ABHD2: variants seen among roughly 807,000 people sequenced by gnomAD.
ABHD2 encodes the protein abhydrolase domain containing 2, acylglycerol lipase, also known as monoacylglycerol lipase ABHD2.
In ABHD2, 20 loss-of-function variants were observed where a neutral mutation model predicts 48.1. The observed-to-expected ratio is 0.42, with a 90% confidence interval of 0.29 to 0.60. The LOEUF (loss-of-function observed/expected upper bound fraction) is 0.60, where lower values mean the gene tolerates loss of function less well. Among genes scored for constraint, ABHD2 ranks in the 20% least tolerant of loss-of-function variants. The pLI is 0.24. For synonymous variants in ABHD2, 209 were observed against 214.2 expected (o/e 0.98, Z 0.21); for missense variants, 405 against 550.9 (o/e 0.74, Z 2.65).
At position 89,173,912 on chromosome 15, in the gene ABHD2, G is replaced by A. The variant is rs887647092; in HGVS notation, c.539-1900G>A. ...TTTGGGAGGAAGCAGCTCTTGGCCC[G>A]GTTTTTCCCTTAGTTTTAGGCATCT... is the stretch of plus-strand genomic sequence containing the variant. On this transcript the variant is annotated intron_variant, in intron 5 of 10. Coordinates refer to ENST00000352732, the MANE Select transcript of ABHD2 (RefSeq NM_152924.5). This position sits in a 1 kb window ranked among gnomAD's most constrained non-coding sequence, Gnocchi z 6.5. Among the ~76,000 whole-genome samples the A allele has an allele frequency of 6.6e-6, 1 of 152,090 alleles. No individual in the cohort carries two copies. The highest frequency in any genetic ancestry group is 2.4e-5 in the African/African-American group (1 of 41,398).
At position 89,151,470 on chromosome 15, in the gene ABHD2, A is replaced by G. The variant is rs905603852; in HGVS notation, c.195-207A>G. 6.6e-6 allele frequency among the ~76,000 whole-genome samples: 1 copy of G among 152,216 alleles called. No individual in the cohort carries two copies. Among genetic ancestry groups the G allele is most frequent in the Non-Finnish European group, 1.5e-5 (1 of 68,046 alleles). On this transcript the variant is annotated intron_variant, in intron 3 of 10. Transcript: ENST00000352732. The surrounding 1 kb of genome is among the most constrained non-coding windows in gnomAD (Gnocchi z 4.7). Reference sequence around the variant, plus strand: ...TATATATATGTCCTGGTTGATTTCTAAAGCTAATCTGATGCAGAGTGTATT... The same window carrying G: ...TATATATATGTCCTGGTTGATTTCTGAAGCTAATCTGATGCAGAGTGTATT...
At position 89,092,493 on chromosome 15, in the gene ABHD2, T is replaced by C. The variant is rs1045425745; in HGVS notation, c.-107+3930T>C. On this transcript the variant is annotated intron_variant, in intron 1 of 10. Coordinates refer to ENST00000352732, the MANE Select transcript of ABHD2 (RefSeq NM_152924.5). The surrounding 1 kb of genome is among the most constrained non-coding windows in gnomAD (Gnocchi z 4.4). ...AAATTTTAAAATTTTTTAATTCAAA[T>C]TTTAGTTTTTAAAAATAGGCAATAC... Among the ~76,000 whole-genome samples the C allele has an allele frequency of 2.0e-5, 3 of 152,222 alleles. No individual in the cohort carries two copies. The highest frequency in any genetic ancestry group is 1.3e-4 in the Admixed American group (2 of 15,288).
chr15:89,095,281 C>CT lies in ABHD2; in HGVS notation c.-107+6723dup, dbSNP rs554588403. ...GTTTCCTTAAACAATGCTCGTTACTCTTTTTCTGGGAAATCAGGCCATTGA... is the reference window on the plus strand; with the variant it reads ...GTTTCCTTAAACAATGCTCGTTACTCTTTTTTCTGGGAAATCAGGCCATTGA... On this transcript the variant is annotated intron_variant, in intron 1 of 10. Coordinates refer to ENST00000352732, the MANE Select transcript of ABHD2 (RefSeq NM_152924.5). 1.5e-3 allele frequency among the ~76,000 whole-genome samples: 231 copies of CT among 152,266 alleles called. 1 individual carries two copies. Among genetic ancestry groups the CT allele is most frequent in the Non-Finnish European group, 2.2e-3 (153 of 68,006 alleles).
chr15:89,068,014 A>C, the ABHD2 span, among the ~76,000 whole-genome samples: 1 of 152,186 alleles, frequency 6.6e-6, no homozygotes, highest in Non-Finnish European at 1.5e-5. Context: ...ACCATAGAAG[A>C]AGGGAGAATT....
the ABHD2 span, chr15:89,070,246 C>T: frequency 1.3e-5 from 2 of 152,224 alleles, no homozygotes; most frequent in African/African-American, 2.4e-5. Context: ...TGTGTTCATT[C>T]TGCTCCCATT....
At chr15:89,071,895 G>A in the ABHD2 span, among the ~76,000 whole-genome samples, 2 of 152,150 alleles carry the variant, frequency 1.3e-5, no homozygotes, top group East Asian at 3.9e-4. Context: ...AATGGAAGTG[G>A]TGCATGCCAC....
chr15:89,186,527 C>T lies in ABHD2; in HGVS notation c.815+1011C>T, dbSNP rs1448735128. ...TTGCTGAGAATACTCTCCCGTTTCT[C>T]TGCTGGTGGGAACTCAGCCCATCCT... On this transcript the variant is annotated intron_variant, in intron 7 of 10. Transcript: ENST00000352732. This position sits in a 1 kb window ranked among gnomAD's most constrained non-coding sequence, Gnocchi z 4.3. Among the ~76,000 whole-genome samples the T allele has an allele frequency of 6.6e-6, 1 of 152,106 alleles. No homozygotes were observed. The highest frequency in any genetic ancestry group is 1.5e-5 in the Non-Finnish European group (1 of 68,012).
the ABHD2 span, among the ~76,000 whole-genome samples, chr15:89,052,536 CAGACAGACAGACAGACAGACAG>C: frequency 7.7e-6 from 1 of 129,672 alleles, no homozygotes; most frequent in Admixed American, 7.4e-5. Flanking sequence ...GACAGACAGA[CAGACAGACAGACAGACAGACAG>C]ACACACACAC....
rs2051465567 is a variant in ABHD2, at chr15:89,201,562, G to A, written c.*6139G>A. 3.1e-6 allele frequency: 5 copies of A among 1,597,856 alleles called. No individual in the cohort carries two copies. Among genetic ancestry groups the A allele is most frequent in the Non-Finnish European group, 3.4e-6 (4 of 1,165,316 alleles). ...TCATTCGGATCATAGTCAAAGGGCT[G>A]TAGCATTACTGAAACAGTCACAGTT... On this transcript the variant is annotated 3_prime_UTR_variant, in exon 11 of 11. Transcript: ENST00000352732.
At chr15:89,067,441 A>T in the ABHD2 span, among the ~76,000 whole-genome samples, 1 of 152,222 alleles carries the variant, frequency 6.6e-6, no homozygotes, top group Non-Finnish European at 1.5e-5. Context: ...AAGTCTAGAC[A>T]CATTCCAGAG....
chr15:89,175,799 C>G lies in ABHD2; in HGVS notation c.539-13C>G, dbSNP rs773174046. On this transcript the variant is annotated splice_polypyrimidine_tract_variant and intron_variant, in intron 5 of 10. Coordinates refer to ENST00000352732, the MANE Select transcript of ABHD2 (RefSeq NM_152924.5). The surrounding 1 kb of genome is among the most constrained non-coding windows in gnomAD (Gnocchi z 5.7). Reference sequence around the variant, plus strand: ...CCTGAAATGATTGAGCAATCTCACCCTTTTGCCCACAGGCTGCACGTGGGA... The same window carrying G: ...CCTGAAATGATTGAGCAATCTCACCGTTTTGCCCACAGGCTGCACGTGGGA... The G allele has an allele frequency of 5.6e-6, 9 of 1,613,826 alleles. No homozygotes were observed. Among genetic ancestry groups the G allele is most frequent in the Admixed American group, 3.3e-5 (2 of 59,966 alleles).
intron 5 of ABHD2, among the ~76,000 whole-genome samples, chr15:89,171,842 TAGA>T (rs910884982): frequency 2.0e-5 from 3 of 152,168 alleles, no homozygotes; most frequent in African/African-American, 4.8e-5. Context: ...GAGGATCTTG[TAGA>T]AGAACACCCA....
Position 89,164,570 on chromosome 15 carries a change from T to C in ABHD2, c.538+9036T>C, listed in dbSNP as rs759065403. On this transcript the variant is annotated intron_variant, in intron 5 of 10. Transcript: ENST00000352732. This position sits in a 1 kb window ranked among gnomAD's most constrained non-coding sequence, Gnocchi z 5.0. ...GGGACGCCCAGGCTGGCAGATCACT[T>C]GAGCCCAGGAGTTTGAGACCAGCCT... 1.5e-4 allele frequency among the ~76,000 whole-genome samples: 23 copies of C among 152,202 alleles called. No individual in the cohort carries two copies. Among genetic ancestry groups the C allele is most frequent in the South Asian group, 6.2e-4 (3 of 4,816 alleles).
the ABHD2 span, among the ~76,000 whole-genome samples, chr15:89,071,541 T>C: frequency 0.21 from 31,711 of 152,042 alleles, 4,182 homozygotes; most frequent in African/African-American, 0.36. Context: ...GTTTATACAG[T>C]ATTTTCACTT....
chr15:89,183,387 AT>A (rs1567109335), intron 6 of ABHD2: 378 of 76,104 alleles, frequency 5.0e-3, no homozygotes, highest in Non-Finnish European at 6.7e-3. Context: ...AAAAAAAAAT[AT>A]ATATATATAT....
At chr15:89,141,015 C>T (rs905808090) in intron 3 of ABHD2, among the ~76,000 whole-genome samples, 2 of 151,778 alleles carry the variant, frequency 1.3e-5, no homozygotes, top group Non-Finnish European at 1.5e-5. Flanking sequence ...GTCACCCATG[C>T]TGGAGTGCAG....
intron 6 of ABHD2, chr15:89,183,384 AATATATATATATATAT>A (rs1555433648): frequency 0.015 from 701 of 46,276 alleles, 12 homozygotes; most frequent in African/African-American, 0.046. Flanking sequence ...AAAAAAAAAA[AATATATATATATATAT>A]ATATATATAT....
At position 89,201,825 on chromosome 15, in the gene ABHD2, G is replaced by T. The variant is rs2051468730; in HGVS notation, c.*6402G>T. The T allele has an allele frequency of 1.6e-6, 2 of 1,218,436 alleles. No individual in the cohort carries two copies. The highest frequency in any genetic ancestry group is 2.3e-6 in the Non-Finnish European group (2 of 852,158). 75.5% of individuals were successfully genotyped at this position (1,218,436 alleles called of 1,614,324 possible). A position where few individuals can be genotyped will look rare whatever the true frequency, so the allele number is the denominator to read the frequency against. ...CATTGGAGAGACAGCGCAGAGCAGG[G>T]GGCGGCTTGCTCGCTGGGGGCGGGG... On this transcript the variant is annotated 3_prime_UTR_variant, in exon 11 of 11. Transcript: ENST00000352732.
chr15:89,044,792 T>C, the ABHD2 span, among the ~76,000 whole-genome samples: 5 of 152,198 alleles, frequency 3.3e-5, no homozygotes, highest in Non-Finnish European at 7.3e-5. Flanking sequence ...TCATTGTAGA[T>C]TCTGGATATT....
Sources: allele counts gnomAD v4.1 joint callset (sites outside exome capture counted in the v4.1 genomes callset), GRCh38; gene constraint gnomAD v4.1.1; non-coding constraint Gnocchi (gnomAD v3.1); transcripts MANE v1.5; gene names NCBI Gene and HGNC (gene_info 2026-07-23, HGNC 2026-07-21).